DNAAF5: variants seen among roughly 807,000 people sequenced by gnomAD.
DNAAF5 encodes HEAT repeat containing 2.
Under a neutral mutation model 75.8 loss-of-function variants are expected in DNAAF5, and 64 were observed. That is an observed-to-expected ratio of 0.84 (90% CI 0.69 to 1.04). DNAAF5 has a LOEUF of 1.04. DNAAF5 is among the 50% of genes least tolerant of loss of function. The probability of loss-of-function intolerance (pLI) is 0.00; values close to 1 mark genes in which losing one functional copy is unlikely to be tolerated. For missense variants in DNAAF5, 1,269 were observed against 1,178.5 expected (o/e 1.08, Z -1.12); for synonymous variants, 657 against 557.2 (o/e 1.18, Z -2.52).
intron 11 of DNAAF5, among the ~76,000 whole-genome samples, chr7:778,839 A>AC (rs1778847561): frequency 1.3e-5 from 2 of 151,914 alleles, no homozygotes; most frequent in Non-Finnish European, 2.9e-5. Flanking sequence ...CAGCAAAAGC[A>AC]CCCCCCATGC....
intron 6 of DNAAF5, among the ~76,000 whole-genome samples, chr7:761,003 CTTTTCT>C (rs1782626531): frequency 6.6e-6 from 1 of 152,226 alleles, no homozygotes; most frequent in African/African-American, 2.4e-5. Flanking sequence ...CCTGGGGCCA[CTTTTCT>C]TTTTAACTTT....
intron 4 of DNAAF5, among the ~76,000 whole-genome samples, chr7:753,513 T>G (rs1481303641): frequency 1.3e-5 from 2 of 152,222 alleles, no homozygotes; most frequent in East Asian, 3.8e-4. Flanking sequence ...ACCCCCACCA[T>G]GCCGATGGCT....
rs139661696 is a variant in DNAAF5, at chr7:750,836, G to A, written c.1025-3753G>A. The A allele has an allele frequency of 7.7e-3, 1,295 of 167,146 alleles. 5 individuals are homozygous for A. Among genetic ancestry groups the A allele is most frequent in the South Asian group, 0.029 (139 of 4,828 alleles). 10.4% of individuals were successfully genotyped at this position (167,146 alleles called of 1,614,324 possible). ...GCAGACCCCTCCCCGGCTGTTCCTGGTCACGCATCTCTCATTTTGCAAACT... is the reference window on the plus strand; with the variant it reads ...GCAGACCCCTCCCCGGCTGTTCCTGATCACGCATCTCTCATTTTGCAAACT... On this transcript the variant is annotated intron_variant, in intron 4 of 12. Transcript: ENST00000297440.
At chr7:747,217 G>A (rs538532132) in intron 4 of DNAAF5, among the ~76,000 whole-genome samples, 17 of 152,336 alleles carry the variant, frequency 1.1e-4, no homozygotes, top group Middle Eastern at 6.8e-3. Context: ...CACCCTTCGC[G>A]CCATGTCGCA....
Position 761,356 on chromosome 7 carries a change from G to A in DNAAF5, c.1471-397G>A, listed in dbSNP as rs1197024190. Among the ~76,000 whole-genome samples the A allele has an allele frequency of 5.9e-5, 9 of 152,254 alleles. No homozygotes were observed. In the East Asian group the frequency reaches 7.7e-4, roughly 13 times the overall value. ...TCGGCCCTGACACTGGGGCCGGAGC[G>A]GGAGCCCTGTATTAGTCCATTCTCA... is the stretch of plus-strand genomic sequence containing the variant. On this transcript the variant is annotated intron_variant, in intron 6 of 12. Transcript: ENST00000297440.
At chr7:770,300 C>T (rs982342541) in intron 8 of DNAAF5, among the ~76,000 whole-genome samples, 171 bp from the exon 9 acceptor site, 2 of 152,188 alleles carry the variant, frequency 1.3e-5, no homozygotes, top group South Asian at 2.1e-4. Context: ...TTAAAATTTT[C>T]TGCTGCTTTT....
At chr7:777,394 G>C (rs1019366679) in intron 11 of DNAAF5, among the ~76,000 whole-genome samples, 1 of 152,146 alleles carries the variant, frequency 6.6e-6, no homozygotes, top group African/African-American at 2.4e-5. Flanking sequence ...GCGTGTTTAA[G>C]ATCCTCAAAA....
At chr7:770,740 C>G in intron 9 of DNAAF5, 122 bp downstream of exon 9, 1 of 911,940 alleles carries the variant, frequency 1.1e-6, no homozygotes, top group Non-Finnish European at 1.6e-6. Context: ...CACTGCACTG[C>G]GCAAGGGGTT....
intron 5 of DNAAF5, among the ~76,000 whole-genome samples, chr7:755,311 T>C (rs1252875017): frequency 6.6e-6 from 1 of 152,190 alleles, no homozygotes; most frequent in African/African-American, 2.4e-5. Flanking sequence ...CACACTCGGC[T>C]GCTGGTTATC....
chr7:727,304 A>G lies in DNAAF5; in HGVS notation c.584A>G (p.Gln195Arg), dbSNP rs1168960358. ...ESCSCAAALA[Q>R]ATPDHFHMQS... ...TGCAGCTGCGCCGCCGCCCTGGCGCAGGCCACGCCCGGTGAGCACCCCGGG... is the reference window on the plus strand; with the variant it reads ...TGCAGCTGCGCCGCCGCCCTGGCGCGGGCCACGCCCGGTGAGCACCCCGGG... Residue 195 changes from glutamine to arginine, a missense_variant, in exon 1 of 13, where the codon CAG (glutamine) becomes CGG (arginine). Coordinates refer to ENST00000297440, the MANE Select transcript of DNAAF5 (RefSeq NM_017802.4). 5.4e-6 allele frequency: 7 copies of G among 1,286,272 alleles called. No individual in the cohort carries two copies. In the Admixed American group the frequency reaches 2.1e-4, roughly 39 times the overall value. 79.7% of individuals were successfully genotyped at this position (1,286,272 alleles called of 1,614,324 possible). A position where few individuals can be genotyped will look rare whatever the true frequency, so the allele number is the denominator to read the frequency against.
intron 8 of DNAAF5, 66 bp from the exon 9 acceptor site, chr7:770,404 TG>T (rs1369720349): frequency 7.5e-5 from 113 of 1,505,220 alleles, no homozygotes; most frequent in Admixed American, 1.3e-4. Context: ...AGCCTGGGCC[TG>T]TGCTGGATGG....
In DNAAF5 at chr7:733,402, T is replaced by C. The variant is rs1023905014; in HGVS notation, c.780+3555T>C. ...AATTGCTTTGGGTAGTATGGACATT[T>C]TGGGTAGTATGGACAATATTGATTC... On this transcript the variant is annotated intron_variant, in intron 2 of 12. Coordinates refer to ENST00000297440, the MANE Select transcript of DNAAF5 (RefSeq NM_017802.4). Among the ~76,000 whole-genome samples, 20 of 152,330 alleles carry C rather than the reference T, an allele frequency of 1.3e-4. 2 individuals are homozygous for C. The highest frequency in any genetic ancestry group is 8.5e-4 in the Admixed American group (13 of 15,298).
chr7:768,917 G>A (rs1778453435), intron 8 of DNAAF5: 2 of 536,946 alleles, frequency 3.7e-6, no homozygotes, highest in Non-Finnish European at 6.7e-6. Context: ...CGTGGTTCTC[G>A]TGGCAGGGCG....
At position 762,921 on chromosome 7, in the gene DNAAF5, C is replaced by G. The variant is rs140312041; in HGVS notation, c.1615-885C>G. 3.0e-3 allele frequency among the ~76,000 whole-genome samples: 451 copies of G among 152,302 alleles called. 5 individuals carry two copies. The highest frequency in any genetic ancestry group is 0.01 in the African/African-American group (434 of 41,560). On this transcript the variant is annotated intron_variant, in intron 7 of 12. Transcript: ENST00000297440. ...GAGCCACCGCACCTGGCCATTATGC[C>G]CAAAAATCTTTTAACCCCAACCTTC...
In DNAAF5 at chr7:774,702, G is replaced by T. The variant is rs1045150972; in HGVS notation, c.2083-304G>T. On this transcript the variant is annotated intron_variant, in intron 10 of 12. Coordinates refer to ENST00000297440, the MANE Select transcript of DNAAF5 (RefSeq NM_017802.4). Reference sequence around the variant, plus strand: ...TCAGCGCCACCTCCTGGTGCACGCGGGGTGGTGCGGTCGGTGCTCCAGCCG... The same window carrying T: ...TCAGCGCCACCTCCTGGTGCACGCGTGGTGGTGCGGTCGGTGCTCCAGCCG... 6.6e-5 allele frequency among the ~76,000 whole-genome samples: 10 copies of T among 152,210 alleles called. 1 individual carries two copies. The highest frequency in any genetic ancestry group is 2.4e-4 in the African/African-American group (10 of 41,456).
At chr7:772,662 A>G (rs1778608677) in intron 9 of DNAAF5, 1 of 152,186 alleles carries the variant, frequency 6.6e-6, no homozygotes. Flanking sequence ...CCCGTGGACT[A>G]TAGTGTCTTG....
At chr7:782,292 C>T (rs181418662) in intron 12 of DNAAF5, among the ~76,000 whole-genome samples, 2 of 150,968 alleles carry the variant, frequency 1.3e-5, no homozygotes, top group Non-Finnish European at 2.9e-5. Flanking sequence ...ATCAGAAACT[C>T]GGATCTTCCT....
chr7:755,236 A>AAT (rs932814245), intron 5 of DNAAF5, among the ~76,000 whole-genome samples: 9 of 152,224 alleles, frequency 5.9e-5, no homozygotes, highest in East Asian at 1.9e-4. Context: ...ACGGGGGATG[A>AAT]TGGCACAGCT....
chr7:784,479 G>C (rs1048698882), intron 12 of DNAAF5, among the ~76,000 whole-genome samples: 5 of 152,066 alleles, frequency 3.3e-5, no homozygotes, highest in Non-Finnish European at 5.9e-5. Flanking sequence ...GAATCTGATA[G>C]ACTCCCCAGC....
Sources: allele counts gnomAD v4.1 joint callset (sites outside exome capture counted in the v4.1 genomes callset), GRCh38; gene constraint gnomAD v4.1.1; transcripts MANE v1.5; gene names NCBI Gene and HGNC (gene_info 2026-07-23, HGNC 2026-07-21).